Variants in CPN1 observed in about 807,000 individuals in gnomAD.
The protein encoded by CPN1 is carboxypeptidase N subunit 1, also known as carboxypeptidase N catalytic chain.
Under a neutral mutation model 46.4 loss-of-function variants are expected in CPN1, and 37 were observed. The ratio of observed to expected loss-of-function variants is 0.80; its 90% CI spans 0.61 to 1.05. The LOEUF (loss-of-function observed/expected upper bound fraction) is 1.05, where lower values mean the gene tolerates loss of function less well. Among genes scored for constraint, CPN1 ranks in the 50% least tolerant of loss-of-function variants. The pLI is 0.00. For missense variants in CPN1, 563 were observed against 602.6 expected (o/e 0.93, Z 0.69); for synonymous variants, 224 against 235.4 (o/e 0.95, Z 0.44).
intron 5 of CPN1, among the ~76,000 whole-genome samples, chr10:100,057,566 T>C (rs1323766840): frequency 6.6e-6 from 1 of 152,134 alleles, no homozygotes; most frequent in Non-Finnish European, 1.5e-5. Context: ...GATGAGGTAT[T>C]TGGAGGTTGG....
chr10:100,054,413 C>A lies in CPN1; in HGVS notation c.1045G>T (p.Glu349Ter). ...GCATTGGCGAGATTATTGTAATTCT[C>A]ATCAAGCACCATTCCCTTGATGCCC... ...HQGIKGMVLDENYNNLANAVI... is the reference protein window; with the variant it reads ...HQGIKGMVLD The change falls in exon 7 of 9, where the codon GAG (glutamate) becomes TAG (stop). Residue 349 changes from glutamate (E) to a stop codon, truncating the protein, a stop_gained. Coordinates refer to ENST00000370418, the MANE Select transcript of CPN1 (RefSeq NM_001308.3). LOFTEE classifies it high-confidence loss of function. The A allele has an allele frequency of 6.2e-7, 1 of 1,614,116 alleles. No individual in the cohort carries two copies. Among genetic ancestry groups the A allele is most frequent in the South Asian group, 1.1e-5 (1 of 91,064 alleles).
At chr10:100,079,906 G>A (rs548992136) in intron 1 of CPN1, among the ~76,000 whole-genome samples, 51 of 152,222 alleles carry the variant, frequency 3.4e-4, no homozygotes, top group African/African-American at 1.2e-3. Context: ...CCAACACGGT[G>A]AAACCCCGTC....
intron 5 of CPN1, among the ~76,000 whole-genome samples, chr10:100,060,917 A>T: frequency 6.6e-6 from 1 of 152,210 alleles, no homozygotes; most frequent in Non-Finnish European, 1.5e-5. Flanking sequence ...TACACAATGG[A>T]GTACTATTCA....
intron 8 of CPN1, among the ~76,000 whole-genome samples, chr10:100,043,091 CA>C (rs749971720): frequency 0.048 from 2,736 of 57,578 alleles, 44 homozygotes; most frequent in Middle Eastern, 0.091. Flanking sequence ...GACTCCATCT[CA>C]AAAAAAAAAA....
intron 2 of CPN1, 59 bp from the exon 3 acceptor site, chr10:100,069,928 AC>A: frequency 1.9e-6 from 3 of 1,600,728 alleles, no homozygotes. Context: ...ATATTTTCTA[AC>A]TTTTTTTTTT....
chr10:100,069,957 C>T lies in CPN1; in HGVS notation c.421-88G>A, dbSNP rs187544030. The T allele has an allele frequency of 4.9e-4, 738 of 1,495,776 alleles. 1 individual carries two copies. In the African/African-American group the frequency reaches 9.1e-3, roughly 18 times the overall value. The allele number at this position is 1,495,776 out of a possible 1,614,324, so 92.7% of individuals were successfully genotyped here. On this transcript the variant is annotated intron_variant, in intron 2 of 8. Transcript: ENST00000370418. The stretch of plus-strand genomic sequence containing the variant: ...TTTTTTTTGGAGACAGGTTCTCACA[C>T]TGTTGCCCAGGCTGAAGTGCAGTGG...
chr10:100,048,954 A>C, intron 7 of CPN1, 78 bp from the exon 8 acceptor site: 1 of 1,179,812 alleles, frequency 8.5e-7, no homozygotes, highest in Non-Finnish European at 1.3e-6. Context: ...ATCTGACTAC[A>C]AGGTTGGCTT....
At chr10:100,076,788 G>T (rs535919838) in intron 1 of CPN1, among the ~76,000 whole-genome samples, 1 of 152,146 alleles carries the variant, frequency 6.6e-6, no homozygotes, top group Admixed American at 6.5e-5. Context: ...AATAGGATTG[G>T]GGGCAGGACT....
chr10:100,045,089 T>C (rs781715351), intron 8 of CPN1, among the ~76,000 whole-genome samples: 2 of 152,208 alleles, frequency 1.3e-5, no homozygotes, highest in Non-Finnish European at 2.9e-5. Context: ...TCCTTTGTGA[T>C]CAATAAATGG....
intron 1 of CPN1, among the ~76,000 whole-genome samples, chr10:100,080,012 G>A (rs566001594): frequency 1.3e-5 from 2 of 152,148 alleles, no homozygotes; most frequent in East Asian, 3.9e-4. Flanking sequence ...CTTGAACCCG[G>A]GAGGTGGAGG....
chr10:100,063,821 G>A, intron 4 of CPN1, 96 bp from the exon 5 acceptor site: 1 of 882,174 alleles, frequency 1.1e-6, no homozygotes, highest in Non-Finnish European at 1.9e-6. Context: ...AAGCCCTGCT[G>A]GGTATATAAA....
At chr10:100,069,367 G>A (rs1435062286) in intron 3 of CPN1, among the ~76,000 whole-genome samples, 2 of 152,028 alleles carry the variant, frequency 1.3e-5, no homozygotes, top group African/African-American at 2.4e-5. Flanking sequence ...TTTAATCCCA[G>A]CTACTCAGGA....
chr10:100,067,624 T>C (rs907131822), intron 3 of CPN1, among the ~76,000 whole-genome samples: 2 of 152,192 alleles, frequency 1.3e-5, no homozygotes, highest in African/African-American at 4.8e-5. Context: ...AAATAGAACA[T>C]TTCAAACTAT....
chr10:100,051,358 A>C (rs1737378737), intron 7 of CPN1, among the ~76,000 whole-genome samples: 2 of 152,070 alleles, frequency 1.3e-5, no homozygotes, highest in African/African-American at 4.8e-5. Context: ...CATTTTCTTA[A>C]CTGGGGACTT....
At chr10:100,069,986 A>C (rs1292406078) in intron 2 of CPN1, 117 bp from the exon 3 acceptor site, 1 of 1,225,590 alleles carries the variant, frequency 8.2e-7, no homozygotes, top group Non-Finnish European at 1.2e-6. Context: ...GCAGTGGTAC[A>C]ATCTTGGCTT....
intron 7 of CPN1, among the ~76,000 whole-genome samples, chr10:100,049,939 C>T (rs1264752185): frequency 1.3e-5 from 2 of 152,170 alleles, no homozygotes; most frequent in African/African-American, 4.8e-5. Flanking sequence ...AAAGAAACTA[C>T]ATGAGACCAC....
chr10:100,062,184 A>G (rs1350118383), intron 5 of CPN1, among the ~76,000 whole-genome samples: 1 of 152,224 alleles, frequency 6.6e-6, no homozygotes, highest in Non-Finnish European at 1.5e-5. Flanking sequence ...GTGCTAGAGA[A>G]TGATTCCTAA....
At position 100,069,435 on chromosome 10, in the gene CPN1, C is replaced by T. The variant is rs149022861; in HGVS notation, c.576+279G>A. Among the ~76,000 whole-genome samples the T allele has an allele frequency of 2.2e-3, 336 of 151,282 alleles. 1 individual carries two copies. The highest frequency in any genetic ancestry group is 7.8e-3 in the African/African-American group (323 of 41,172). ...GGCGAAGGCTGCAGTGAGCTGAGAT[C>T]GCACCATTACACTCCAGCCTGGGCG... On this transcript the variant is annotated intron_variant, in intron 3 of 8. Coordinates refer to ENST00000370418, the MANE Select transcript of CPN1 (RefSeq NM_001308.3).
intron 2 of CPN1, among the ~76,000 whole-genome samples, chr10:100,074,824 G>A (rs1284315676): frequency 6.6e-6 from 1 of 152,148 alleles, no homozygotes; most frequent in East Asian, 1.9e-4. Context: ...GCCTGCGGTG[G>A]GACCTGGGAA....
Sources: allele counts gnomAD v4.1 joint callset (sites outside exome capture counted in the v4.1 genomes callset), GRCh38; gene constraint gnomAD v4.1.1; transcripts MANE v1.5; gene names NCBI Gene and HGNC (gene_info 2026-07-23, HGNC 2026-07-21).